The following NREP variants were observed in gnomAD, a reference collection of about 807,000 sequenced individuals.
NREP encodes neuronal regeneration-related protein.
Under a neutral mutation model 8.6 loss-of-function variants are expected in NREP, and 5 were observed. The observed-to-expected ratio is 0.58, with a 90% CI of 0.30 to 1.22. NREP has a LOEUF of 1.22. Among genes scored for constraint, NREP ranks in the 50% most tolerant of loss-of-function variants. The pLI is 0.07. For missense variants in NREP, 86 were observed against 82.5 expected, an observed-to-expected ratio of 1.04 and a Z score of -0.17; for synonymous variants, 27 against 28.0, an observed-to-expected ratio of 0.96 and a Z score of 0.11.
At chr5:111,876,649 T>C (rs189147184) in intron 2 of NREP, among the ~76,000 whole-genome samples, 1 of 152,340 alleles carries the variant, frequency 6.6e-6, no homozygotes, top group Admixed American at 6.5e-5. Flanking sequence ...CATTCTCTTA[T>C]TTAAAAGTTG....
chr5:111,895,040 C>T (rs1754475657), intron 2 of NREP, among the ~76,000 whole-genome samples: 1 of 152,210 alleles, frequency 6.6e-6, no homozygotes, highest in Non-Finnish European at 1.5e-5. Flanking sequence ...CCATGCCTTT[C>T]AAAGCAGCTT....
chr5:111,774,554 G>C (rs1016900786), intron 2 of NREP, among the ~76,000 whole-genome samples: 2 of 152,138 alleles, frequency 1.3e-5, no homozygotes, highest in South Asian at 4.1e-4. Flanking sequence ...GGAATGCAGC[G>C]TTTCAAAGTG....
At chr5:111,885,860 A>G (rs1175242134) in intron 2 of NREP, among the ~76,000 whole-genome samples, 1 of 152,236 alleles carries the variant, frequency 6.6e-6, no homozygotes, top group African/African-American at 2.4e-5. Context: ...ACCTAAAACC[A>G]TAAAAACCCT....
At chr5:111,881,781 G>C (rs1754080677) in intron 2 of NREP, among the ~76,000 whole-genome samples, 1 of 152,148 alleles carries the variant, frequency 6.6e-6, no homozygotes, top group Admixed American at 6.5e-5. Context: ...CTGTCTGTTA[G>C]AAGGAAAACT....
At chr5:111,757,552 G>A, upstream of NREP, 4 of 984,800 alleles carry the variant, frequency 4.1e-6, no homozygotes, top group Non-Finnish European at 4.8e-6. Flanking sequence ...CTAGGAGCCA[G>A]ACTGCTTACT....
upstream of NREP, among the ~76,000 whole-genome samples, chr5:111,760,121 A>C (rs1750928462): frequency 6.6e-6 from 1 of 152,218 alleles, no homozygotes; most frequent in Non-Finnish European, 1.5e-5. Flanking sequence ...TTGGGACAAG[A>C]TAATTTTTTG....
At chr5:111,782,842 C>A (rs1751524436) in intron 2 of NREP, among the ~76,000 whole-genome samples, 1 of 151,736 alleles carries the variant, frequency 6.6e-6, no homozygotes, top group Admixed American at 6.6e-5. Context: ...TCAAGCAATT[C>A]TCATGCCTCA....
rs1158344051 is a variant in NREP, at chr5:111,730,253, G to C, written c.*668C>G. Reference sequence around the variant, plus strand: ...AAGGAAAACAAGTCAATCCAGTCTAGAGAACAACATTCAGGGAAACAGAGT... The same window carrying C: ...AAGGAAAACAAGTCAATCCAGTCTACAGAACAACATTCAGGGAAACAGAGT... On this transcript the variant is annotated 3_prime_UTR_variant, in exon 4 of 4. Transcript: ENST00000257435. 3 of 152,520 alleles carry C rather than the reference G, an allele frequency of 2.0e-5. No homozygotes were observed. Among genetic ancestry groups the C allele is most frequent in the African/African-American group, 4.8e-5 (2 of 41,404 alleles). 9.4% of individuals were successfully genotyped at this position (152,520 alleles called of 1,614,324 possible). A position where few individuals can be genotyped will look rare whatever the true frequency, so the allele number is the denominator to read the frequency against.
At chr5:111,792,727 GAAGAA>G (rs1449364261) in intron 2 of NREP, among the ~76,000 whole-genome samples, 3 of 152,142 alleles carry the variant, frequency 2.0e-5, no homozygotes, top group Non-Finnish European at 4.4e-5. Context: ...AAAGAAGAGA[GAAGAA>G]AAGACAGAGA....
intron 2 of NREP, among the ~76,000 whole-genome samples, chr5:111,780,013 C>T (rs1016267847): frequency 3.1e-4 from 47 of 152,312 alleles, no homozygotes; most frequent in African/African-American, 1.1e-3. Context: ...GTGGATAGTG[C>T]TGGCCGTGAT....
chr5:111,758,043 G>A, upstream of NREP: 6 of 985,550 alleles, frequency 6.1e-6, no homozygotes, highest in South Asian at 2.8e-4. Context: ...TGGTGCCTGC[G>A]GCGGCGCGGA....
At chr5:111,795,602 T>C (rs1158827213) in intron 2 of NREP, among the ~76,000 whole-genome samples, 1 of 152,254 alleles carries the variant, frequency 6.6e-6, no homozygotes, top group Admixed American at 6.5e-5. Flanking sequence ...TTATTAATAT[T>C]CAAATCAAAT....
At chr5:111,770,848 G>A (rs989909339) in intron 2 of NREP, among the ~76,000 whole-genome samples, 2 of 152,036 alleles carry the variant, frequency 1.3e-5, no homozygotes, top group Admixed American at 6.6e-5. Context: ...GGGACTACAG[G>A]TGTGAGCCAC....
At chr5:111,757,405 T>C, upstream of NREP, 1 of 970,566 alleles carries the variant, frequency 1.0e-6, no homozygotes, top group Non-Finnish European at 1.2e-6. Context: ...AGAGTGTGTG[T>C]GTCTCTCTCT....
At chr5:111,839,229 A>T (rs1752966978) in intron 2 of NREP, among the ~76,000 whole-genome samples, 1 of 152,090 alleles carries the variant, frequency 6.6e-6, no homozygotes, top group South Asian at 2.1e-4. Context: ...AAATCGGCTT[A>T]AAAAATTAAA....
chr5:111,748,178 G>A (rs185742180), intron 2 of NREP, among the ~76,000 whole-genome samples: 195 of 152,234 alleles, frequency 1.3e-3, no homozygotes, highest in African/African-American at 4.5e-3. Flanking sequence ...CCAAAGGAGT[G>A]CAAAAGAATG....
At chr5:111,966,853 C>A (rs1445370993) in intron 2 of NREP, among the ~76,000 whole-genome samples, 2 of 152,142 alleles carry the variant, frequency 1.3e-5, no homozygotes, top group Non-Finnish European at 2.9e-5. Context: ...GAACCAAGAT[C>A]ATAAGTCAGT....
chr5:111,802,041 C>A lies in NREP; in HGVS notation c.136-66534G>T, dbSNP rs1752020187. On this transcript the variant is annotated intron_variant, in intron 2 of 3. Transcript: ENST00000395634. Reference sequence around the variant, plus strand: ...ATACCTCAGGACCATAGAATAACAGCCTCCAGACAGAGGGCCCAGCCATCT... The same window carrying A: ...ATACCTCAGGACCATAGAATAACAGACTCCAGACAGAGGGCCCAGCCATCT... Among the ~76,000 whole-genome samples the A allele has an allele frequency of 4.6e-5, 7 of 152,164 alleles. No individual in the cohort carries two copies. In the South Asian group the frequency reaches 1.5e-3, roughly 32 times the overall value.
chr5:111,968,273 T>C (rs796714254), intron 2 of NREP, among the ~76,000 whole-genome samples: 4 of 152,172 alleles, frequency 2.6e-5, no homozygotes, highest in Admixed American at 2.0e-4. Flanking sequence ...TAAACCCTAC[T>C]GGTATAAGAA....
Sources: allele counts gnomAD v4.1 joint callset (sites outside exome capture counted in the v4.1 genomes callset), GRCh38; gene constraint gnomAD v4.1.1; transcripts MANE v1.5; gene names NCBI Gene and HGNC (gene_info 2026-07-23, HGNC 2026-07-21).